The following CBX5 variants were observed in gnomAD, a reference collection of about 807,000 sequenced individuals.
CBX5 encodes the protein chromobox 5.
In CBX5, 7 loss-of-function variants were observed where a neutral mutation model predicts 20.7. The observed-to-expected ratio is 0.34, with a 90% CI of 0.19 to 0.63. The LOEUF is 0.63. CBX5 is among the 30% of genes least tolerant of loss of function. The pLI is 0.75. For synonymous variants in CBX5, 78 were observed against 77.0 expected (o/e 1.01, Z -0.07); for missense variants, 110 against 224.1 (o/e 0.49, Z 3.25).
chr12:54,253,564 CAGA>C (rs955619913), intron 2 of CBX5, among the ~76,000 whole-genome samples: 7 of 151,950 alleles, frequency 4.6e-5, no homozygotes, highest in African/African-American at 1.7e-4. Context: ...CCTGTCTCCA[CAGA>C]AGATTTAAAA....
At chr12:54,267,544 C>T (rs1943967537) in intron 1 of CBX5, among the ~76,000 whole-genome samples, 2 of 151,194 alleles carry the variant, frequency 1.3e-5, no homozygotes, top group Admixed American at 1.3e-4. Flanking sequence ...CGGAGTCTAG[C>T]TCTGTCGCCC....
intron 1 of CBX5, among the ~76,000 whole-genome samples, chr12:54,266,245 A>G (rs1157036824): frequency 6.6e-6 from 1 of 151,110 alleles, no homozygotes; most frequent in Non-Finnish European, 1.5e-5. Context: ...TAAAAATACA[A>G]AAATTAGCCA....
chr12:54,258,891 G>A (rs1943887621), intron 1 of CBX5, among the ~76,000 whole-genome samples: 1 of 152,120 alleles, frequency 6.6e-6, no homozygotes, highest in Admixed American at 6.5e-5. Context: ...ACCTCAGAAT[G>A]ATGTTCAAGT....
chr12:54,247,277 CA>C (rs1943746901), intron 3 of CBX5, among the ~76,000 whole-genome samples: 2 of 151,900 alleles, frequency 1.3e-5, no homozygotes. Context: ...TGGCCTGGTG[CA>C]GTGACTCATG....
At chr12:54,265,395 TTA>T (rs1943947598) in intron 1 of CBX5, among the ~76,000 whole-genome samples, 1 of 152,250 alleles carries the variant, frequency 6.6e-6, no homozygotes, top group South Asian at 2.1e-4. Context: ...TGCAGTGGAT[TTA>T]TGATTTCCAA....
Position 54,257,687 on chromosome 12 carries a change from A to G in CBX5, c.-37T>C, listed in dbSNP as rs1140681. The G allele has an allele frequency of 0.44, 710,148 of 1,611,664 alleles. 163,816 individuals carry two copies. The highest frequency in any genetic ancestry group is 0.77 in the African/African-American group (57,327 of 74,914). Reference sequence around the variant, plus strand: ...TTCCACCTGAAAGACTAAGGCCACCAGGTCCCTGCAAAGGCAAAGGACAAA... The same window carrying G: ...TTCCACCTGAAAGACTAAGGCCACCGGGTCCCTGCAAAGGCAAAGGACAAA... On this transcript the variant is annotated 5_prime_UTR_variant, in exon 2 of 5. Transcript: ENST00000209875.
chr12:54,272,739 G>A (rs1030658192), intron 1 of CBX5: 1 of 152,172 alleles, frequency 6.6e-6, no homozygotes, highest in Non-Finnish European at 1.5e-5. Context: ...GTTGTAATTT[G>A]TAATGTTTTG....
intron 1 of CBX5, among the ~76,000 whole-genome samples, chr12:54,265,740 C>G (rs1446715499): frequency 6.6e-6 from 1 of 152,118 alleles, no homozygotes; most frequent in African/African-American, 2.4e-5. Flanking sequence ...AGTTCATGAT[C>G]CTTTAAAAAT....
At chr12:54,254,767 C>G (rs913181267) in intron 2 of CBX5, among the ~76,000 whole-genome samples, 1 of 151,740 alleles carries the variant, frequency 6.6e-6, no homozygotes, top group East Asian at 1.9e-4. Context: ...GCAGGAGAAT[C>G]GTTTGAACCC....
At chr12:54,278,345 G>A (rs1944090798) in intron 1 of CBX5, among the ~76,000 whole-genome samples, 1 of 152,142 alleles carries the variant, frequency 6.6e-6, no homozygotes, top group Non-Finnish European at 1.5e-5. Context: ...TATCACTTTA[G>A]TTCTCAGAAG....
intron 1 of CBX5, chr12:54,259,651 T>C (rs970988940): frequency 6.6e-6 from 1 of 152,658 alleles, no homozygotes; most frequent in Non-Finnish European, 1.5e-5. Flanking sequence ...TCCGTTGCCA[T>C]AGCAACTGGC....
intron 3 of CBX5, 98 bp downstream of exon 3, chr12:54,251,943 C>T (rs1305457522): frequency 3.7e-6 from 4 of 1,080,468 alleles, no homozygotes; most frequent in Non-Finnish European, 5.2e-6. Flanking sequence ...ATAGGTCCAT[C>T]CTTACAATAG....
chr12:54,244,481 T>C (rs1439807001), intron 4 of CBX5, among the ~76,000 whole-genome samples: 1 of 151,788 alleles, frequency 6.6e-6, no homozygotes, highest in Non-Finnish European at 1.5e-5. Flanking sequence ...CTCACACCTG[T>C]AATCCCAGCA....
intron 1 of CBX5, among the ~76,000 whole-genome samples, chr12:54,268,467 A>G (rs1943978217): frequency 6.6e-6 from 1 of 152,194 alleles, no homozygotes; most frequent in Non-Finnish European, 1.5e-5. Context: ...CAGCTCTTCA[A>G]GTGAGTGTTT....
At chr12:54,265,716 G>T (rs1405808985) in intron 1 of CBX5, among the ~76,000 whole-genome samples, 1 of 152,128 alleles carries the variant, frequency 6.6e-6, no homozygotes, top group Admixed American at 6.6e-5. Flanking sequence ...TCTCCCATTG[G>T]CTAGCACAGC....
chr12:54,262,937 G>C (rs1160553511), intron 1 of CBX5: 2 of 152,252 alleles, frequency 1.3e-5, no homozygotes, highest in African/African-American at 4.8e-5. Flanking sequence ...CAAGGGAAAG[G>C]GTGAGTAGCT....
chr12:54,249,175 T>C (rs1305352049), intron 3 of CBX5, among the ~76,000 whole-genome samples: 1 of 151,966 alleles, frequency 6.6e-6, no homozygotes, highest in African/African-American at 2.4e-5. Context: ...TTGAGACCAT[T>C]CTGGCTAACA....
intron 2 of CBX5, among the ~76,000 whole-genome samples, chr12:54,254,722 G>A (rs1449108916): frequency 2.6e-5 from 4 of 151,008 alleles, no homozygotes; most frequent in Admixed American, 1.3e-4. Context: ...GCGTGGTGGC[G>A]GGCGCCTGTA....
rs544432696 is a variant in CBX5 at position 54,232,007 on chromosome 12, T to C, written c.*9748A>G. On this transcript the variant is annotated 3_prime_UTR_variant, in exon 5 of 5. Transcript: ENST00000209875. The stretch of plus-strand genomic sequence containing the variant: ...TAAATCAAAACCATTGAGGGTTGCT[T>C]TGATCCTGAGACAGTCTGAGTCTGC... The C allele has an allele frequency of 6.6e-6, 1 of 152,136 alleles. No individual in the cohort carries two copies. Among genetic ancestry groups the C allele is most frequent in the Non-Finnish European group, 1.5e-5 (1 of 68,030 alleles). The allele number at this position is 152,136 out of a possible 1,614,324, so 9.4% of individuals were successfully genotyped here. A position where few individuals can be genotyped will look rare whatever the true frequency, so the allele number is the denominator to read the frequency against.
Sources: gnomAD v4.1 joint callset for allele counts (sites outside exome capture counted in the v4.1 genomes callset) on GRCh38, gnomAD v4.1.1 for gene constraint, MANE v1.5 for transcripts, NCBI Gene and HGNC (gene_info 2026-07-23, HGNC 2026-07-21) for gene names.